The following PAPPA2 variants were observed in gnomAD, a reference collection of about 807,000 sequenced individuals.
The protein encoded by PAPPA2 is pappalysin 2, also known as pappalysin-2.
Under a neutral mutation model 176.4 loss-of-function variants are expected in PAPPA2, and 86 were observed. The observed-to-expected ratio is 0.49, with a 90% CI of 0.41 to 0.58. The LOEUF is 0.58. PAPPA2 is among the 20% of genes least tolerant of loss of function. PAPPA2 has a pLI of 0.00. For missense variants in PAPPA2, 2,073 were observed against 2,256.9 expected, an observed-to-expected ratio of 0.92 and a Z score of 1.65; for synonymous variants, 809 against 852.2, an observed-to-expected ratio of 0.95 and a Z score of 0.88.
intron 3 of PAPPA2, among the ~76,000 whole-genome samples, chr1:176,610,071 A>T (rs1654824190): frequency 6.6e-6 from 1 of 152,112 alleles, no homozygotes; most frequent in South Asian, 2.1e-4. Context: ...CCCCATAGGG[A>T]ATCTGTACCC....
At chr1:176,477,540 A>G (rs1450488451) in intron 1 of PAPPA2, among the ~76,000 whole-genome samples, 1 of 152,040 alleles carries the variant, frequency 6.6e-6, no homozygotes, top group Non-Finnish European at 1.5e-5. Flanking sequence ...AGGTCAGGAG[A>G]TCGAGATCAT....
intron 17 of PAPPA2, among the ~76,000 whole-genome samples, chr1:176,777,564 C>A (rs1358232333): frequency 6.6e-6 from 1 of 151,960 alleles, no homozygotes; most frequent in Non-Finnish European, 1.5e-5. Flanking sequence ...AGATTTATCT[C>A]CTCATTTACT....
At chr1:176,757,638 T>C (rs1663491939) in intron 14 of PAPPA2, among the ~76,000 whole-genome samples, 1 of 152,240 alleles carries the variant, frequency 6.6e-6, no homozygotes, top group South Asian at 2.1e-4. Context: ...AAAAACTTGC[T>C]TCCATTCTGT....
At chr1:176,692,609 T>C (rs1660170921) in intron 6 of PAPPA2, among the ~76,000 whole-genome samples, 1 of 152,120 alleles carries the variant, frequency 6.6e-6, no homozygotes, top group Admixed American at 6.5e-5. Context: ...GCATCTGCCA[T>C]TTGTCTCTGT....
chr1:176,663,926 AT>A (rs1658484537), intron 3 of PAPPA2, among the ~76,000 whole-genome samples: 1 of 152,138 alleles, frequency 6.6e-6, no homozygotes, highest in Non-Finnish European at 1.5e-5. Flanking sequence ...AATCTTCTAA[AT>A]AAATTTTGCT....
intron 1 of PAPPA2, among the ~76,000 whole-genome samples, chr1:176,525,031 GACTCCGTCTCAAAAAAAAAAAGTT>G (rs991501877): frequency 5.0e-4 from 76 of 152,106 alleles, no homozygotes; most frequent in African/African-American, 1.8e-3. Flanking sequence ...TACAGAAGGA[GACTCCGTCTCAAAAAAAAAAAGTT>G]ACAGCCTTAA....
In PAPPA2 at chr1:176,765,620, C is replaced by A. The variant is rs3737759; in HGVS notation, c.4152-46C>A. On this transcript the variant is annotated intron_variant, in intron 14 of 22. Coordinates refer to ENST00000367662, the MANE Select transcript of PAPPA2 (RefSeq NM_020318.3). The stretch of plus-strand genomic sequence containing the variant: ...GCTGCAAAGTCATTGCTCCTCCTTA[C>A]TGGTTCTCAACCAGTCCTAAGATGG... 9.0e-5 allele frequency: 142 copies of A among 1,573,488 alleles called. 1 individual carries two copies. Among genetic ancestry groups the A allele is most frequent in the Non-Finnish European group, 1.2e-4 (139 of 1,154,612 alleles).
At chr1:176,540,047 G>T (rs1005582645) in intron 1 of PAPPA2, among the ~76,000 whole-genome samples, 2 of 152,156 alleles carry the variant, frequency 1.3e-5, no homozygotes, top group African/African-American at 2.4e-5. Context: ...TTAGCAAGAA[G>T]AAGAAAGGGA....
At chr1:176,716,511 G>A (rs1426572247) in intron 12 of PAPPA2, among the ~76,000 whole-genome samples, 1 of 151,508 alleles carries the variant, frequency 6.6e-6, no homozygotes, top group African/African-American at 2.4e-5. Context: ...CTCCCAAAGT[G>A]CTGGGATAAC....
intron 12 of PAPPA2, among the ~76,000 whole-genome samples, chr1:176,737,199 T>C (rs1342903163): frequency 6.6e-6 from 1 of 152,054 alleles, no homozygotes; most frequent in African/African-American, 2.4e-5. Context: ...TATTTCTTAG[T>C]AGCAGAAAAG....
intron 21 of PAPPA2, 140 bp downstream of exon 21, chr1:176,800,272 T>A: frequency 1.3e-6 from 1 of 774,054 alleles, no homozygotes; most frequent in Non-Finnish European, 2.0e-6. Flanking sequence ...TTAAGTTGGT[T>A]CCACGATCTT....
intron 3 of PAPPA2, among the ~76,000 whole-genome samples, chr1:176,618,225 G>A (rs1213392463): frequency 6.6e-6 from 1 of 152,084 alleles, no homozygotes; most frequent in East Asian, 1.9e-4. Context: ...CTTGAACTTG[G>A]CCACTATAGA....
chr1:176,835,055 AG>A (rs1331644163), intron 21 of PAPPA2, among the ~76,000 whole-genome samples: 4 of 152,184 alleles, frequency 2.6e-5, no homozygotes, highest in Non-Finnish European at 4.4e-5. Flanking sequence ...TTAGATTGCT[AG>A]GTTTACTTAA....
chr1:176,710,313 A>G, intron 11 of PAPPA2, 137 bp downstream of exon 11: 1 of 731,496 alleles, frequency 1.4e-6, no homozygotes, highest in East Asian at 2.7e-5. Flanking sequence ...ACATTACTGG[A>G]TCTGCCAGCA....
chr1:176,713,963 C>G (rs1383702648), intron 12 of PAPPA2, among the ~76,000 whole-genome samples: 2 of 152,122 alleles, frequency 1.3e-5, no homozygotes, highest in Non-Finnish European at 2.9e-5. Flanking sequence ...TCATTCCTGG[C>G]TGGCCTAAAA....
intron 4 of PAPPA2, among the ~76,000 whole-genome samples, chr1:176,679,462 T>C (rs1322194219): frequency 2.0e-5 from 3 of 152,208 alleles, no homozygotes; most frequent in Non-Finnish European, 4.4e-5. Flanking sequence ...TTTTCTGTTA[T>C]GAAAGTGGGT....
At chr1:176,535,678 C>A (rs1315953360) in intron 1 of PAPPA2, among the ~76,000 whole-genome samples, 1 of 152,174 alleles carries the variant, frequency 6.6e-6, no homozygotes, top group African/African-American at 2.4e-5. Context: ...TCAGACAGAC[C>A]TAGTTCTAAT....
At chr1:176,740,916 C>T (rs185384113) in intron 14 of PAPPA2, among the ~76,000 whole-genome samples, 32 of 152,136 alleles carry the variant, frequency 2.1e-4, no homozygotes, top group Admixed American at 1.4e-3. Flanking sequence ...GAGGTGAGAT[C>T]GCTTACTTGT....
intron 10 of PAPPA2, among the ~76,000 whole-genome samples, chr1:176,708,530 T>TAGAGAGAGAGAG (rs71565479): frequency 2.3e-3 from 328 of 145,588 alleles, no homozygotes; most frequent in African/African-American, 6.4e-3. Context: ...TACGTACATG[T>TAGAGAGAGAGAG]AGAGAGAGAG....
Sources: gnomAD v4.1 joint callset for allele counts (sites outside exome capture counted in the v4.1 genomes callset) on GRCh38, gnomAD v4.1.1 for gene constraint, MANE v1.5 for transcripts, NCBI Gene and HGNC (gene_info 2026-07-23, HGNC 2026-07-21) for gene names.